Variants in SMARCC1 observed in about 807,000 individuals in gnomAD.
SMARCC1 encodes SWI/SNF complex subunit SMARCC1.
In SMARCC1, 43 loss-of-function variants were observed where a neutral mutation model predicts 147.4. The ratio of observed to expected loss-of-function variants is 0.29; its 90% CI spans 0.23 to 0.38. The LOEUF is 0.38. SMARCC1 is among the 10% of genes least tolerant of loss of function. SMARCC1 has a pLI of 1.00. For missense variants in SMARCC1, 1,119 were observed against 1,381.1 expected, an observed-to-expected ratio of 0.81 and a Z score of 3.01; for synonymous variants, 495 against 484.4, an observed-to-expected ratio of 1.02 and a Z score of -0.29.
chr3:47,611,478 G>T (rs1294372520), intron 25 of SMARCC1, among the ~76,000 whole-genome samples: 2 of 152,060 alleles, frequency 1.3e-5, no homozygotes, highest in South Asian at 2.1e-4. Context: ...ACATATACTG[G>T]ATTATGTAAA....
intron 14 of SMARCC1, among the ~76,000 whole-genome samples, chr3:47,684,239 C>CAA (rs759227252): frequency 0.016 from 802 of 49,464 alleles, 16 homozygotes; most frequent in African/African-American, 0.053. Context: ...GACTCCGTCT[C>CAA]AAAAAAAAAA....
chr3:47,676,483 T>C (rs1559642087), intron 17 of SMARCC1, 146 bp downstream of exon 17: 4 of 628,870 alleles, frequency 6.4e-6, no homozygotes, highest in Non-Finnish European at 1.1e-5. Context: ...ATATTTACAG[T>C]ACACCAAAAT....
At chr3:47,744,329 G>A (rs1368154614) in intron 3 of SMARCC1, among the ~76,000 whole-genome samples, 1 of 152,046 alleles carries the variant, frequency 6.6e-6, no homozygotes, top group Non-Finnish European at 1.5e-5. Context: ...ATTTTTAGTA[G>A]AGACAGGGTT....
At chr3:47,759,783 A>G (rs1260440116) in intron 2 of SMARCC1, among the ~76,000 whole-genome samples, 2 of 147,940 alleles carry the variant, frequency 1.4e-5, no homozygotes, top group African/African-American at 5.0e-5. Flanking sequence ...AAAAATACAA[A>G]AAAATTAGCT....
chr3:47,717,491 T>C (rs2034170043), intron 7 of SMARCC1, among the ~76,000 whole-genome samples: 2 of 152,198 alleles, frequency 1.3e-5, no homozygotes, highest in South Asian at 4.1e-4. Flanking sequence ...AACAGGTAGA[T>C]TTTATCTAAA....
At chr3:47,589,054 T>C (rs200919242) in intron 27 of SMARCC1, among the ~76,000 whole-genome samples, 10 of 152,306 alleles carry the variant, frequency 6.6e-5, no homozygotes, top group South Asian at 4.2e-4. Context: ...AAGTGCAGCA[T>C]TGCTCACCAA....
rs2033385807 is a variant in SMARCC1, at chr3:47,663,948, C to T, written c.1900-1356G>A. 5.3e-6 allele frequency: 7 copies of T among 1,332,354 alleles called. No homozygotes were observed. In the South Asian group the frequency reaches 9.2e-5, roughly 17 times the overall value. 82.5% of individuals were successfully genotyped at this position (1,332,354 alleles called of 1,614,324 possible). On this transcript the variant is annotated intron_variant, in intron 19 of 27. Transcript: ENST00000254480. ...TCTCAACCCTGAGCCCAGGGTCTGGCTTTGAAAGCTCCGCAGAAATGATTC... is the reference window on the plus strand; with the variant it reads ...TCTCAACCCTGAGCCCAGGGTCTGGTTTTGAAAGCTCCGCAGAAATGATTC...
At chr3:47,705,164 A>G (rs916135078) in intron 10 of SMARCC1, among the ~76,000 whole-genome samples, 7 of 151,880 alleles carry the variant, frequency 4.6e-5, no homozygotes, top group Admixed American at 6.6e-5. Flanking sequence ...TCTACTAAAA[A>G]TACAAAAAAA....
At chr3:47,740,850 C>CAAA (rs60339024) in intron 3 of SMARCC1, among the ~76,000 whole-genome samples, 88 of 77,816 alleles carry the variant, frequency 1.1e-3, no homozygotes, top group African/African-American at 3.3e-3. Flanking sequence ...GACTCTGACT[C>CAAA]AAAAAAAAAA....
At chr3:47,735,880 GAAA>G (rs111950490) in intron 5 of SMARCC1, among the ~76,000 whole-genome samples, 151 bp downstream of exon 5, 1 of 76,656 alleles carries the variant, frequency 1.3e-5, no homozygotes. Flanking sequence ...TCTCTAAAAA[GAAA>G]AAAAAAAAAA....
intron 24 of SMARCC1, among the ~76,000 whole-genome samples, chr3:47,626,013 G>C (rs2032803897): frequency 6.6e-6 from 1 of 152,052 alleles, no homozygotes; most frequent in African/African-American, 2.4e-5. Context: ...AATTAGCCAG[G>C]CATGGTAGCA....
chr3:47,608,783 A>C (rs2032518357), intron 26 of SMARCC1, among the ~76,000 whole-genome samples: 1 of 143,702 alleles, frequency 7.0e-6, no homozygotes, highest in Non-Finnish European at 1.5e-5. Flanking sequence ...TGGGAGGTTG[A>C]GGCTGCAGTG....
At chr3:47,670,585 A>C in intron 19 of SMARCC1, 73 bp downstream of exon 19, 1 of 1,014,028 alleles carries the variant, frequency 9.9e-7, no homozygotes. Context: ...CCCTGCCTCT[A>C]AATAAAACAA....
chr3:47,760,177 T>C (rs1559665468), intron 2 of SMARCC1, among the ~76,000 whole-genome samples: 1 of 151,844 alleles, frequency 6.6e-6, no homozygotes, highest in African/African-American at 2.4e-5. Flanking sequence ...CAGCTGGGAA[T>C]GGTGGTGCAC....
At chr3:47,684,153 T>C (rs1054740827) in intron 14 of SMARCC1, among the ~76,000 whole-genome samples, 37 of 136,606 alleles carry the variant, frequency 2.7e-4, no homozygotes, top group Non-Finnish European at 5.2e-4. Context: ...GGCAGGAGAA[T>C]GGCGTGAACC....
chr3:47,779,916 C>T (rs1335198795), intron 1 of SMARCC1, among the ~76,000 whole-genome samples: 1 of 152,108 alleles, frequency 6.6e-6, no homozygotes, highest in Non-Finnish European at 1.5e-5. Context: ...TATTCAATTC[C>T]ATTAGCCACT....
chr3:47,664,583 C>G (rs1403033324), intron 19 of SMARCC1, among the ~76,000 whole-genome samples: 1 of 151,988 alleles, frequency 6.6e-6, no homozygotes, highest in Admixed American at 6.5e-5. Flanking sequence ...GAAAGAAAAC[C>G]ACAACTATGT....
At chr3:47,754,886 T>C (rs73085151) in intron 2 of SMARCC1, among the ~76,000 whole-genome samples, 39,597 of 151,598 alleles carry the variant, frequency 0.26, 5,740 homozygotes, top group South Asian at 0.42. Flanking sequence ...CTACTAAAAA[T>C]AGAAAAATTA....
At chr3:47,777,954 C>A (rs1252750451) in intron 1 of SMARCC1, among the ~76,000 whole-genome samples, 1 of 151,190 alleles carries the variant, frequency 6.6e-6, no homozygotes, top group Non-Finnish European at 1.5e-5. Context: ...GCCTGTAATC[C>A]CAGTACTTTG....
Sources: allele counts gnomAD v4.1 joint callset (sites outside exome capture counted in the v4.1 genomes callset), GRCh38; gene constraint gnomAD v4.1.1; transcripts MANE v1.5; gene names NCBI Gene and HGNC (gene_info 2026-07-23, HGNC 2026-07-21).